The following FLVCR1 variants were observed in gnomAD, a reference collection of about 807,000 sequenced individuals.
FLVCR1 encodes the protein choline/ethanolamine transporter FLVCR1.
A neutral mutation model predicts 53.6 loss-of-function variants in FLVCR1; 34 were observed. That is an observed-to-expected ratio of 0.63 (90% confidence interval 0.48 to 0.84). The LOEUF (loss-of-function observed/expected upper bound fraction) is 0.84, where lower values mean the gene tolerates loss of function less well. Among genes scored for constraint, FLVCR1 ranks in the 40% least tolerant of loss-of-function variants. The pLI, the probability that FLVCR1 is intolerant of heterozygous loss-of-function variation, is 0.00. For synonymous variants in FLVCR1, 300 were observed against 286.3 expected, an observed-to-expected ratio of 1.05 and a Z score of -0.48; for missense variants, 677 against 696.7, an observed-to-expected ratio of 0.97 and a Z score of 0.32.
intron 3 of FLVCR1, among the ~76,000 whole-genome samples, chr1:212,882,077 C>T (rs184627558): frequency 1.3e-3 from 196 of 152,190 alleles, no homozygotes; most frequent in Middle Eastern, 3.4e-3. Context: ...GTAGTATGAA[C>T]GGATAACAAC....
chr1:212,858,530 G>T lies in FLVCR1; in HGVS notation c.78G>T (p.Pro26=), dbSNP rs1424112205. 1 of 1,461,088 alleles carries T rather than the reference G, an allele frequency of 6.8e-7. No homozygotes were observed. Among genetic ancestry groups the T allele is most frequent in the Non-Finnish European group, 9.0e-7 (1 of 1,108,696 alleles). The allele number at this position is 1,461,088 out of a possible 1,614,324, so 90.5% of individuals were successfully genotyped here. ...TCGCGAAAGGATACCTCCCGTTGCC[G>T]AGGGGCGCGCCCGTTGGGAAGGAGA... is the stretch of plus-strand genomic sequence containing the variant. ...HPLAKGYLPL[P]RGAPVGKESV... The change falls in exon 1 of 10, where the codon CCG becomes CCT. Residue 26 remains proline (P), a synonymous_variant. Transcript: ENST00000366971.
intron 3 of FLVCR1, among the ~76,000 whole-genome samples, chr1:212,881,289 G>T (rs188110678): frequency 1.1e-3 from 153 of 139,896 alleles, no homozygotes; most frequent in Middle Eastern, 3.8e-3. Flanking sequence ...TATTCCCAAA[G>T]AATTTCTTTG....
chr1:212,886,400 T>C, intron 5 of FLVCR1, among the ~76,000 whole-genome samples: 1 of 152,184 alleles, frequency 6.6e-6, no homozygotes, highest in East Asian at 1.9e-4. Flanking sequence ...AGTAGTTCTT[T>C]CCAATCAAAA....
intron 1 of FLVCR1, among the ~76,000 whole-genome samples, chr1:212,859,744 A>C (rs1173863419): frequency 2.6e-5 from 4 of 151,504 alleles, no homozygotes; most frequent in African/African-American, 9.7e-5. Context: ...CTGTAACCAT[A>C]ATAATAATAA....
At chr1:212,885,503 A>G in intron 5 of FLVCR1, 107 bp downstream of exon 5, 1 of 776,204 alleles carries the variant, frequency 1.3e-6, no homozygotes, top group Non-Finnish European at 2.2e-6. Flanking sequence ...TTACTTAAAG[A>G]TACGGATTCT....
rs1372265098 is a variant in FLVCR1, at chr1:212,876,692, T to TATTC, written c.1024+3875_1024+3878dup. Among the ~76,000 whole-genome samples the TATTC allele has an allele frequency of 5.9e-5, 9 of 152,310 alleles. 2 individuals are homozygous for TATTC. The South Asian group carries it at 1.5e-3, about 25-fold the overall frequency. Reference sequence around the variant, plus strand: ...ATCTCATTTCTTTTTGGCTGCATAGTATTCCATGGTGTAAACATACCACAT... The same window carrying TATTC: ...ATCTCATTTCTTTTTGGCTGCATAGTATTCATTCCATGGTGTAAACATACCACAT... On this transcript the variant is annotated intron_variant, in intron 3 of 9. Transcript: ENST00000366971.
intron 4 of FLVCR1, among the ~76,000 whole-genome samples, 156 bp from the exon 5 acceptor site, chr1:212,885,137 C>T (rs41300041): frequency 1.5e-4 from 23 of 152,066 alleles, no homozygotes; most frequent in Non-Finnish European, 8.8e-5. Flanking sequence ...CTTTACCTGC[C>T]CTCCCCTCCC....
chr1:212,860,128 G>T (rs886158576), intron 1 of FLVCR1, among the ~76,000 whole-genome samples: 5 of 115,502 alleles, frequency 4.3e-5, no homozygotes, highest in Non-Finnish European at 8.6e-5. Flanking sequence ...AAAAATTAGT[G>T]GGGCATGGTG....
chr1:212,859,690 C>T (rs1664159777), intron 1 of FLVCR1, among the ~76,000 whole-genome samples: 1 of 152,012 alleles, frequency 6.6e-6, no homozygotes, highest in Admixed American at 6.6e-5. Context: ...TGCACTCCAG[C>T]TTGGGTGACA....
In FLVCR1 at chr1:212,865,981, G is replaced by GTTTTTT. The variant is rs1319691717; in HGVS notation, c.883+2128_883+2133dup. Among the ~76,000 whole-genome samples, 43 of 41,292 alleles carry GTTTTTT rather than the reference G, an allele frequency of 1.0e-3. 1 individual carries two copies. The South Asian group carries it at 0.035, about 34-fold the overall frequency. The allele number at this position is 41,292 out of a possible 152,430, so 27.1% of individuals were successfully genotyped here. A position where few individuals can be genotyped will look rare whatever the true frequency, so the allele number is the denominator to read the frequency against. On this transcript the variant is annotated intron_variant, in intron 2 of 9. Coordinates refer to ENST00000366971, the MANE Select transcript of FLVCR1 (RefSeq NM_014053.4). Reference sequence around the variant, plus strand: ...GCATTTGGCTAATTTTTGGGGTTTGGTTTTTTTTTTTTTTTTTTTTTGAGA... The same window carrying GTTTTTT: ...GCATTTGGCTAATTTTTGGGGTTTGGTTTTTTTTTTTTTTTTTTTTTTTTTTTGAGA...
At chr1:212,876,184 C>T (rs545323151) in intron 3 of FLVCR1, among the ~76,000 whole-genome samples, 1 of 152,056 alleles carries the variant, frequency 6.6e-6, no homozygotes, top group Non-Finnish European at 1.5e-5. Flanking sequence ...CTTCCTCCCC[C>T]AAACCCCAAA....
In FLVCR1 at chr1:212,858,715, C is replaced by T; in HGVS notation, c.263C>T (p.Ala88Val). ...QARLLPAGAG[A>V]ETPGAESSPL... ...CGGCTGCTGCCTGCGGGCGCGGGAG[C>T]TGAGACCCCGGGGGCCGAGAGCAGC... is the stretch of plus-strand genomic sequence containing the variant. Residue 88 changes from alanine (A) to valine (V), a missense_variant, in exon 1 of 10, where the codon GCT (alanine) becomes GTT (valine). By Grantham distance (64) the Ala-to-Val change is moderately conservative. Coordinates refer to ENST00000366971, the MANE Select transcript of FLVCR1 (RefSeq NM_014053.4). The T allele has an allele frequency of 6.2e-7, 1 of 1,602,802 alleles. No homozygotes were observed.
rs1244253319 is a variant in FLVCR1, at chr1:212,885,565, TTTTG to T, written c.1196+170_1196+173del. On this transcript the variant is annotated intron_variant, in intron 5 of 9. Coordinates refer to ENST00000366971, the MANE Select transcript of FLVCR1 (RefSeq NM_014053.4). Reference sequence around the variant, plus strand: ...ACAAGTGTTTCTTTTTTTTTTTTTTTTTTGAGACGGAGTCTCGTTCTGTCGCCCA... The same window carrying T: ...ACAAGTGTTTCTTTTTTTTTTTTTTTAGACGGAGTCTCGTTCTGTCGCCCA... The T allele has an allele frequency of 3.7e-4, 174 of 471,104 alleles. 1 individual carries two copies. The South Asian group carries it at 3.8e-3, about 10-fold the overall frequency. The allele number at this position is 471,104 out of a possible 1,614,324, so 29.2% of individuals were successfully genotyped here.
At chr1:212,866,264 C>T (rs978745479) in intron 2 of FLVCR1, among the ~76,000 whole-genome samples, 1 of 151,788 alleles carries the variant, frequency 6.6e-6, no homozygotes, top group South Asian at 2.1e-4. Flanking sequence ...GAATTACAGG[C>T]ATGAGCCACC....
intron 5 of FLVCR1, among the ~76,000 whole-genome samples, chr1:212,887,565 G>A (rs952704148): frequency 2.0e-5 from 3 of 152,156 alleles, no homozygotes; most frequent in African/African-American, 7.2e-5. Flanking sequence ...AACTGGTGTC[G>A]TTACAGAAGG....
chr1:212,885,535 A>G (rs2102565884), intron 5 of FLVCR1, 139 bp downstream of exon 5: 1 of 550,188 alleles, frequency 1.8e-6, no homozygotes, highest in East Asian at 3.4e-5. Context: ...GGTTCTCTTC[A>G]CTTAACAAGT....
At chr1:212,893,042 A>G (rs181472199) in intron 8 of FLVCR1, among the ~76,000 whole-genome samples, 2 of 146,088 alleles carry the variant, frequency 1.4e-5, no homozygotes, top group Non-Finnish European at 1.5e-5. Flanking sequence ...ACCTGAAGAA[A>G]TGAAGGGTTG....
chr1:212,872,866 G>C, intron 3 of FLVCR1, 48 bp downstream of exon 3: 2 of 1,606,462 alleles, frequency 1.2e-6, no homozygotes, highest in Non-Finnish European at 8.5e-7. Flanking sequence ...GAGCCTTTCA[G>C]CATTGTGGAT....
At chr1:212,883,516 A>G (rs1558118065) in intron 4 of FLVCR1, 78 bp downstream of exon 4, 4 of 764,758 alleles carry the variant, frequency 5.2e-6, no homozygotes, top group Non-Finnish European at 9.3e-6. Flanking sequence ...TAGCAGGGTC[A>G]TGAGATTAAG....
Sources: gnomAD v4.1 joint callset for allele counts (sites outside exome capture counted in the v4.1 genomes callset) on GRCh38, gnomAD v4.1.1 for gene constraint, MANE v1.5 for transcripts, NCBI Gene and HGNC (gene_info 2026-07-23, HGNC 2026-07-21) for gene names.